NOX3: variants seen among roughly 807,000 people sequenced by gnomAD.
NOX3 encodes NADPH oxidase 3.
NOX3 carries 74 observed loss-of-function variants against 76.7 expected under a neutral mutation model. The observed-to-expected ratio is 0.96, with a 90% CI of 0.80 to 1.17. NOX3 has a LOEUF of 1.17. Among genes scored for constraint, NOX3 ranks in the 50% most tolerant of loss-of-function variants. NOX3 has a pLI of 0.00. For missense variants in NOX3, 695 were observed against 703.3 expected (o/e 0.99, Z 0.13); for synonymous variants, 263 against 261.1 (o/e 1.01, Z -0.07).
chr6:155,416,726 T>C (rs1271987120), intron 10 of NOX3, among the ~76,000 whole-genome samples: 2 of 149,646 alleles, frequency 1.3e-5, no homozygotes, highest in East Asian at 3.9e-4. Flanking sequence ...GTTGGACAAC[T>C]GAAACATCTG....
intron 12 of NOX3, among the ~76,000 whole-genome samples, chr6:155,397,913 A>C (rs1385238079): frequency 6.6e-6 from 1 of 152,210 alleles, no homozygotes; most frequent in African/African-American, 2.4e-5. Flanking sequence ...TCAGAAAACT[A>C]TGTCAGAGAG....
chr6:155,432,190 T>G (rs1776843383), intron 7 of NOX3, among the ~76,000 whole-genome samples: 1 of 152,158 alleles, frequency 6.6e-6, no homozygotes, highest in African/African-American at 2.4e-5. Flanking sequence ...TCTCAAACAC[T>G]GATTATTTCT....
intron 3 of NOX3, among the ~76,000 whole-genome samples, chr6:155,453,849 C>T (rs1251135756): frequency 6.6e-6 from 1 of 152,070 alleles, no homozygotes; most frequent in Non-Finnish European, 1.5e-5. Flanking sequence ...TATACAAAGG[C>T]AAATATGCAT....
At chr6:155,436,345 T>C (rs1776902924) in intron 7 of NOX3, 73 bp downstream of exon 7, 1 of 1,560,946 alleles carries the variant, frequency 6.4e-7, no homozygotes. Context: ...CTTTCTTTTT[T>C]CCAAGCCTAT....
chr6:155,432,291 A>G (rs1776844686), intron 7 of NOX3, among the ~76,000 whole-genome samples: 1 of 151,888 alleles, frequency 6.6e-6, no homozygotes, highest in Non-Finnish European at 1.5e-5. Flanking sequence ...AGTTGCCTGG[A>G]GAGTCTGAGG....
intron 4 of NOX3, among the ~76,000 whole-genome samples, chr6:155,445,057 C>T (rs1433091390): frequency 2.6e-5 from 4 of 152,190 alleles, no homozygotes; most frequent in Non-Finnish European, 4.4e-5. Flanking sequence ...CATCGTCTGG[C>T]CTGAGGATTC....
chr6:155,396,416 G>A lies in NOX3; in HGVS notation c.*27+393C>T, dbSNP rs189298363. Among the ~76,000 whole-genome samples, 17 of 152,244 alleles carry A rather than the reference G, an allele frequency of 1.1e-4. 1 individual carries two copies. Among genetic ancestry groups the A allele is most frequent in the Admixed American group, 5.2e-4 (8 of 15,292 alleles). ...AAGCCAAGAAGCAGCGTGAGTCTCC[G>A]TGTTGGATGTAATGTAGGGAATGGA... is the stretch of plus-strand genomic sequence containing the variant. On this transcript the variant is annotated intron_variant, in intron 13 of 13. Coordinates refer to ENST00000159060, the MANE Select transcript of NOX3 (RefSeq NM_015718.3).
chr6:155,411,197 CAG>C lies in NOX3; in HGVS notation c.1455+15_1455+16del, dbSNP rs774116052. ...TGAGTTCAGCAATATTGCTTATTCT[CAG>C]AGTCTTATCAGTACCTGATTTTCAT... On this transcript the variant is annotated intron_variant, in intron 11 of 13. Coordinates refer to ENST00000159060, the MANE Select transcript of NOX3 (RefSeq NM_015718.3). The C allele has an allele frequency of 9.3e-6, 15 of 1,609,560 alleles. No individual in the cohort carries two copies. Among genetic ancestry groups the C allele is most frequent in the African/African-American group, 1.3e-5 (1 of 74,760 alleles).
At position 155,426,995 on chromosome 6, in the gene NOX3, G is replaced by GTGTGTGTGTGTGTA. The variant is rs1554263752; in HGVS notation, c.1145+1798_1145+1799insTACACACACACACA. Among the ~76,000 whole-genome samples, 1,109 of 119,364 alleles carry GTGTGTGTGTGTGTA rather than the reference G, an allele frequency of 9.3e-3. 48 individuals carry two copies. Among genetic ancestry groups the GTGTGTGTGTGTGTA allele is most frequent in the African/African-American group, 0.034 (985 of 28,764 alleles). The allele number at this position is 119,364 out of a possible 152,430, so 78.3% of individuals were successfully genotyped here. On this transcript the variant is annotated intron_variant, in intron 9 of 13. Transcript: ENST00000159060. ...GTTAGACACTGTGGCGTGTGTGTGTGTGTGTGTGTGTGTGTGTGTGTGTGT... is the reference window on the plus strand; with the variant it reads ...GTTAGACACTGTGGCGTGTGTGTGTGTGTGTGTGTGTGTATGTGTGTGTGTGTGTGTGTGTGTGT...
At chr6:155,437,059 T>A (rs1776913588) in intron 6 of NOX3, among the ~76,000 whole-genome samples, 1 of 152,190 alleles carries the variant, frequency 6.6e-6, no homozygotes, top group Non-Finnish European at 1.5e-5. Flanking sequence ...AGCCAGTGTT[T>A]GACTCAGTCA....
At chr6:155,433,056 C>T (rs913304129) in intron 7 of NOX3, among the ~76,000 whole-genome samples, 2 of 152,182 alleles carry the variant, frequency 1.3e-5, no homozygotes, top group African/African-American at 4.8e-5. Context: ...TAATCTTCCC[C>T]ACCCATTTTA....
At chr6:155,404,127 A>ATATATATT (rs1373354761) in intron 12 of NOX3, among the ~76,000 whole-genome samples, 2 of 145,296 alleles carry the variant, frequency 1.4e-5, no homozygotes, top group African/African-American at 5.2e-5. Flanking sequence ...ATATATATAT[A>ATATATATT]TTTTTTTTTT....
At chr6:155,417,579 A>G (rs991146174) in intron 10 of NOX3, among the ~76,000 whole-genome samples, 1 of 152,214 alleles carries the variant, frequency 6.6e-6, no homozygotes, top group African/African-American at 2.4e-5. Flanking sequence ...TAGGAGAAGC[A>G]TGAATGGCCC....
chr6:155,446,229 G>A lies in NOX3; in HGVS notation c.341-2811C>T, dbSNP rs117349143. ...GTCTATGAAGGTGCTGCCTTGTTTA[G>A]CCTCAGCATCCACAAAGCTGGAAAG... is the stretch of plus-strand genomic sequence containing the variant. On this transcript the variant is annotated intron_variant, in intron 4 of 13. Coordinates refer to ENST00000159060, the MANE Select transcript of NOX3 (RefSeq NM_015718.3). Among the ~76,000 whole-genome samples the A allele has an allele frequency of 8.3e-3, 1,256 of 151,894 alleles. 7 individuals are homozygous for A. Among genetic ancestry groups the A allele is most frequent in the Admixed American group, 0.011 (173 of 15,254 alleles).
intron 13 of NOX3, among the ~76,000 whole-genome samples, chr6:155,396,230 T>A (rs762393069): frequency 6.6e-6 from 1 of 152,196 alleles, no homozygotes; most frequent in Non-Finnish European, 1.5e-5. Context: ...AGGATTTTTG[T>A]GAAAGATAAC....
intron 7 of NOX3, among the ~76,000 whole-genome samples, chr6:155,432,465 C>T (rs1776847020): frequency 6.6e-6 from 1 of 152,156 alleles, no homozygotes; most frequent in Non-Finnish European, 1.5e-5. Context: ...TTCACCACCC[C>T]TCCCCGATTG....
At position 155,421,857 on chromosome 6, in the gene NOX3, T is replaced by C. The variant is rs143304867; in HGVS notation, c.1308+837A>G. Reference sequence around the variant, plus strand: ...TCTAGAGTGGGATGTTGCAGGAGCGTTGCTTAAGTTCCTTTGACTACGGAA... The same window carrying C: ...TCTAGAGTGGGATGTTGCAGGAGCGCTGCTTAAGTTCCTTTGACTACGGAA... On this transcript the variant is annotated intron_variant, in intron 10 of 13. Transcript: ENST00000159060. 2.0e-4 allele frequency among the ~76,000 whole-genome samples: 31 copies of C among 152,288 alleles called. 1 individual carries two copies. Among genetic ancestry groups the C allele is most frequent in the African/African-American group, 7.5e-4 (31 of 41,558 alleles).
At chr6:155,404,129 T>TATATATA (rs67713833) in intron 12 of NOX3, among the ~76,000 whole-genome samples, 69 of 91,312 alleles carry the variant, frequency 7.6e-4, no homozygotes, top group African/African-American at 3.5e-3. Context: ...ATATATATAT[T>TATATATA]TTTTTTTTCC....
At chr6:155,412,728 C>T (rs1413140570) in intron 10 of NOX3, among the ~76,000 whole-genome samples, 1 of 152,134 alleles carries the variant, frequency 6.6e-6, no homozygotes, top group African/African-American at 2.4e-5. Flanking sequence ...CCCTCTGAAT[C>T]CCCATGAGCA....
Sources: allele counts gnomAD v4.1 joint callset (sites outside exome capture counted in the v4.1 genomes callset), GRCh38; gene constraint gnomAD v4.1.1; transcripts MANE v1.5; gene names NCBI Gene and HGNC (gene_info 2026-07-23, HGNC 2026-07-21).